The following PEX7 variants were observed in gnomAD, a reference collection of about 807,000 sequenced individuals.
The protein encoded by PEX7 is PTS2 receptor.
A neutral mutation model predicts 47.5 loss-of-function variants in PEX7; 34 were observed. The ratio of observed to expected loss-of-function variants is 0.72; its 90% confidence interval spans 0.54 to 0.95. PEX7 has a LOEUF of 0.95. Among genes scored for constraint, PEX7 ranks in the 40% least tolerant of loss-of-function variants. PEX7 has a pLI of 0.00. For missense variants in PEX7, 394 were observed against 400.3 expected (o/e 0.98, Z 0.13); for synonymous variants, 141 against 148.8 (o/e 0.95, Z 0.38).
chr6:136,844,518 G>T (rs1194259329), intron 3 of PEX7, among the ~76,000 whole-genome samples: 1 of 152,128 alleles, frequency 6.6e-6, no homozygotes, highest in Non-Finnish European at 1.5e-5. Context: ...GAACATTTCA[G>T]ATCTACTCTC....
At chr6:136,848,388 G>C (rs2115176026) in intron 5 of PEX7, among the ~76,000 whole-genome samples, 1 of 152,280 alleles carries the variant, frequency 6.6e-6, no homozygotes, top group East Asian at 1.9e-4. Context: ...TGTTGAATAG[G>C]AGTGGTGAGA....
chr6:136,847,285 T>G lies in PEX7; in HGVS notation c.526+1104T>G, dbSNP rs1004961584. Among the ~76,000 whole-genome samples the G allele has an allele frequency of 2.8e-4, 43 of 152,280 alleles. 1 individual carries two copies. The highest frequency in any genetic ancestry group is 5.8e-4 in the East Asian group (3 of 5,186). On this transcript the variant is annotated intron_variant, in intron 5 of 9. Transcript: ENST00000318471. ...GTAGATTGCAGAAATTTTCTCCCAT[T>G]TCGTAGGTTGCCTGTTCACTCTGAT... is the stretch of plus-strand genomic sequence containing the variant.
intron 9 of PEX7, among the ~76,000 whole-genome samples, chr6:136,907,734 TTGAGA>T (rs1345634606): frequency 6.6e-6 from 1 of 152,140 alleles, no homozygotes; most frequent in Non-Finnish European, 1.5e-5. Context: ...ATTAAATCAT[TTGAGA>T]TAAGTTACCT....
At chr6:136,840,803 A>AACAG (rs1774483282) in intron 3 of PEX7, among the ~76,000 whole-genome samples, 1 of 152,062 alleles carries the variant, frequency 6.6e-6, no homozygotes, top group Non-Finnish European at 1.5e-5. Flanking sequence ...GTTCCCTGTT[A>AACAG]AGGTCTTTCC....
intron 5 of PEX7, among the ~76,000 whole-genome samples, chr6:136,850,579 A>T (rs1421713476): frequency 6.6e-6 from 1 of 152,158 alleles, no homozygotes; most frequent in African/African-American, 2.4e-5. Context: ...CTTTTCAATG[A>T]TTCCAACTCC....
chr6:136,888,563 A>G (rs541612430), intron 8 of PEX7, among the ~76,000 whole-genome samples: 2 of 152,138 alleles, frequency 1.3e-5, no homozygotes, highest in Non-Finnish European at 2.9e-5. Flanking sequence ...GAATATTTGC[A>G]TTCCCCGATT....
At chr6:136,822,888 C>G (rs1027278189) in intron 1 of PEX7, 93 bp downstream of exon 1, 1 of 1,224,078 alleles carries the variant, frequency 8.2e-7, no homozygotes, top group Non-Finnish European at 1.0e-6. Flanking sequence ...GAAAGCCCCT[C>G]TGAGCGTAGA....
intron 5 of PEX7, among the ~76,000 whole-genome samples, chr6:136,863,140 T>A (rs750261496): frequency 6.6e-6 from 1 of 152,242 alleles, no homozygotes; most frequent in Non-Finnish European, 1.5e-5. Context: ...ACTTTCAAAC[T>A]TATCATTCAT....
chr6:136,908,126 A>G (rs532231778), intron 9 of PEX7, among the ~76,000 whole-genome samples: 180 of 152,332 alleles, frequency 1.2e-3, no homozygotes, highest in African/African-American at 4.2e-3. Flanking sequence ...ACCTCTGTTT[A>G]GAAATTAATA....
intron 5 of PEX7, among the ~76,000 whole-genome samples, chr6:136,862,266 CA>C (rs138851172): frequency 0.1 from 14,744 of 146,844 alleles, 811 homozygotes; most frequent in Admixed American, 0.14. Context: ...TTAGTAGAGA[CA>C]GGGTTTTGCC....
intron 8 of PEX7, among the ~76,000 whole-genome samples, chr6:136,892,728 A>G (rs1775578447): frequency 6.6e-6 from 1 of 152,234 alleles, no homozygotes; most frequent in African/African-American, 2.4e-5. Flanking sequence ...GATTTGTATT[A>G]AGAAATAAAT....
At chr6:136,889,094 A>G (rs556981844) in intron 8 of PEX7, among the ~76,000 whole-genome samples, 81 of 152,296 alleles carry the variant, frequency 5.3e-4, no homozygotes, top group Admixed American at 1.1e-3. Flanking sequence ...ACATATTTAT[A>G]TGTATGAAGC....
chr6:136,849,019 C>A (rs1774686559), intron 5 of PEX7, among the ~76,000 whole-genome samples: 1 of 152,140 alleles, frequency 6.6e-6, no homozygotes, highest in Non-Finnish European at 1.5e-5. Flanking sequence ...ATTATTGCCT[C>A]AATTTCAGAG....
In PEX7 at chr6:136,913,756, A is replaced by T. The variant is rs1411297954; in HGVS notation, c.*230A>T. The T allele has an allele frequency of 1.9e-6, 1 of 531,832 alleles. No individual in the cohort carries two copies. The allele number at this position is 531,832 out of a possible 1,614,324, so 32.9% of individuals were successfully genotyped here. A position where few individuals can be genotyped will look rare whatever the true frequency, so the allele number is the denominator to read the frequency against. On this transcript the variant is annotated 3_prime_UTR_variant, in exon 10 of 10. Coordinates refer to ENST00000318471, the MANE Select transcript of PEX7 (RefSeq NM_000288.4). ...ATTCTAAGAAATAATTAATGTTATG[A>T]TATATCTTGTAGTATCTATTAAAAT...
intron 9 of PEX7, among the ~76,000 whole-genome samples, chr6:136,910,184 A>T (rs1447972141): frequency 6.6e-6 from 1 of 152,230 alleles, no homozygotes; most frequent in Non-Finnish European, 1.5e-5. Context: ...CTGAAATTGT[A>T]ATCTATGAAA....
chr6:136,845,967 G>A, intron 4 of PEX7, 106 bp from the exon 5 acceptor site: 1 of 733,228 alleles, frequency 1.4e-6, no homozygotes. Flanking sequence ...TATATATATT[G>A]TATGCATATA....
At chr6:136,846,213 C>T (rs1420786767) in intron 5 of PEX7, 32 bp downstream of exon 5, 5 of 1,386,240 alleles carry the variant, frequency 3.6e-6, no homozygotes, top group Non-Finnish European at 5.1e-6. Context: ...AAAAGCCTTA[C>T]TTGTAGTGAA....
intron 5 of PEX7, among the ~76,000 whole-genome samples, chr6:136,864,698 A>C (rs1322516338): frequency 6.6e-6 from 1 of 152,230 alleles, no homozygotes; most frequent in Non-Finnish European, 1.5e-5. Context: ...AGATACTTTA[A>C]AAATTTAGCA....
intron 8 of PEX7, among the ~76,000 whole-genome samples, chr6:136,876,291 C>A (rs1194271607): frequency 1.3e-5 from 2 of 152,194 alleles, no homozygotes; most frequent in Non-Finnish European, 2.9e-5. Context: ...CCCGCCTCAG[C>A]CTCCCAAAGT....
Sources: allele counts gnomAD v4.1 joint callset (sites outside exome capture counted in the v4.1 genomes callset), GRCh38; gene constraint gnomAD v4.1.1; transcripts MANE v1.5; gene names NCBI Gene and HGNC (gene_info 2026-07-23, HGNC 2026-07-21).